The following FER1L5 variants were observed in gnomAD, a reference collection of about 807,000 sequenced individuals.
FER1L5 encodes fer-1 like family member 5.
In FER1L5, 187 loss-of-function variants were observed where a neutral mutation model predicts 279.9. The ratio of observed to expected loss-of-function variants is 0.67; its 90% CI spans 0.59 to 0.75. FER1L5 has a LOEUF of 0.75. Ranked by LOEUF, FER1L5 falls within the 30% of genes least tolerant of loss-of-function variation. The probability of loss-of-function intolerance (pLI) is 0.00; values close to 1 mark genes in which losing one functional copy is unlikely to be tolerated. For synonymous variants in FER1L5, 921 were observed against 989.7 expected (o/e 0.93, Z 1.30); for missense variants, 2,091 against 2,594.4 (o/e 0.81, Z 4.21).
At chr2:96,673,924 A>G (rs908032763) in intron 19 of FER1L5, among the ~76,000 whole-genome samples, 2 of 152,136 alleles carry the variant, frequency 1.3e-5, no homozygotes, top group African/African-American at 4.8e-5. Flanking sequence ...CTGCTGTCTC[A>G]CTTTCATCTT....
At chr2:96,701,900 C>A in intron 45 of FER1L5, 55 bp from the exon 46 acceptor site, 1 of 1,569,108 alleles carries the variant, frequency 6.4e-7, no homozygotes, top group Non-Finnish European at 8.7e-7. Flanking sequence ...CCCAGGCCAG[C>A]CTGCTGAGAA....
intron 18 of FER1L5, 90 bp downstream of exon 18, chr2:96,670,337 AG>A (rs1470715120): frequency 5.7e-5 from 86 of 1,497,386 alleles, no homozygotes; most frequent in Admixed American, 2.1e-5. Flanking sequence ...CCGTGTAGAG[AG>A]GCCCTGGCCA....
chr2:96,680,241 A>T (rs2076669220), intron 19 of FER1L5, among the ~76,000 whole-genome samples: 1 of 151,732 alleles, frequency 6.6e-6, no homozygotes, highest in African/African-American at 2.4e-5. Context: ...GGAGAGGAAA[A>T]TTGCTGTTGT....
chr2:96,663,153 A>G (rs115576680), intron 13 of FER1L5, among the ~76,000 whole-genome samples: 3,161 of 152,328 alleles, frequency 0.021, 48 homozygotes, highest in Non-Finnish European at 0.036. Flanking sequence ...ATACACTCAT[A>G]TAGTAAGGTC....
chr2:96,697,700 T>C lies in FER1L5; in HGVS notation c.4175T>C (p.Phe1392Ser), dbSNP rs2077434532. 1 of 1,613,996 alleles carries C rather than the reference T, an allele frequency of 6.2e-7. No homozygotes were observed. Among genetic ancestry groups the C allele is most frequent in the East Asian group, 2.2e-5 (1 of 44,878 alleles). ...EHEVDWWSKL[F>S]WATDEHKSLK... is the part of the protein sequence containing the mutation. ...GAGGTGGACTGGTGGAGCAAGCTGT[T>C]CTGGGCCACAGATGAGCACAAGTCC... is the stretch of plus-strand genomic sequence containing the variant. The change falls in exon 39 of 53, where the codon TTC (phenylalanine) becomes TCC (serine). Residue 1392 changes from phenylalanine to serine, a missense_variant. By Grantham distance (155) the Phe-to-Ser change is radical (BLOSUM62 -2). Transcript: ENST00000624922.
chr2:96,702,901 G>A lies in FER1L5; in HGVS notation c.5398-77G>A. ...CTTCCTTGATAGTCTATCACTGCTG[G>A]GTGGAGGGCCACTGAGGGGTGCAAG... On this transcript the variant is annotated intron_variant, in intron 48 of 52. Transcript: ENST00000624922. The surrounding 1 kb of genome is among the most constrained non-coding windows in gnomAD (Gnocchi z 4.0). 2 of 1,540,914 alleles carry A rather than the reference G, an allele frequency of 1.3e-6. No individual in the cohort carries two copies. Among genetic ancestry groups the A allele is most frequent in the Admixed American group, 1.9e-5 (1 of 52,070 alleles).
At chr2:96,654,704 C>G (rs918684847) in intron 9 of FER1L5, 2 of 300,860 alleles carry the variant, frequency 6.6e-6, no homozygotes, top group Non-Finnish European at 1.2e-5. Flanking sequence ...TCGAGACCAT[C>G]GTGGCTAACA....
Position 96,689,862 on chromosome 2 carries a change from C to A in FER1L5, c.2640+104C>A. ...AGTGGAAAGGGTCTGAGCCCTATGC[C>A]CTGCACTATGTGTGGGGCCCCGGGT... On this transcript the variant is annotated intron_variant, in intron 26 of 52. Transcript: ENST00000624922. This position sits in a 1 kb window ranked among gnomAD's most constrained non-coding sequence, Gnocchi z 4.6. The A allele has an allele frequency of 9.9e-7, 1 of 1,011,852 alleles. No individual in the cohort carries two copies. Among genetic ancestry groups the A allele is most frequent in the African/African-American group, 1.6e-5 (1 of 61,160 alleles). The allele number at this position is 1,011,852 out of a possible 1,614,324, so 62.7% of individuals were successfully genotyped here. A position where few individuals can be genotyped will look rare whatever the true frequency, so the allele number is the denominator to read the frequency against.
chr2:96,660,384 T>TA lies in FER1L5; in HGVS notation c.778+14dup. 6.4e-7 allele frequency: 1 copy of TA among 1,551,450 alleles called. No individual in the cohort carries two copies. The highest frequency in any genetic ancestry group is 1.2e-5 in the South Asian group (1 of 84,050). On this transcript the variant is annotated intron_variant, in intron 10 of 52. Coordinates refer to ENST00000624922, the MANE Select transcript of FER1L5 (RefSeq NM_001293083.2). The stretch of plus-strand genomic sequence containing the variant: ...TACCATTCTCCAGGTAGGTAATACT[T>TA]ATGGCAAATATGTATGTCTTCTGAG...
intron 9 of FER1L5, among the ~76,000 whole-genome samples, chr2:96,659,397 CTTTCTTTCTTTCTTTCTTTCTTT>C (rs2075805126): frequency 1.4e-4 from 1 of 7,052 alleles, no homozygotes; most frequent in Non-Finnish European, 2.2e-4. Flanking sequence ...TTCTTTCTTT[CTTTCTTTCTTTCTTTCTTTCTTT>C]CTTTCTTTCT....
Position 96,687,926 on chromosome 2 carries a change from C to T in FER1L5, c.2340C>T (p.Asp780=), listed in dbSNP as rs1399763764. 6.4e-7 allele frequency: 1 copy of T among 1,551,060 alleles called. No individual in the cohort carries two copies. The highest frequency in any genetic ancestry group is 1.2e-5 in the South Asian group (1 of 84,058). Residue 780 remains aspartate, a synonymous_variant, in exon 24 of 53, where the codon GAC becomes GAT. Coordinates refer to ENST00000624922, the MANE Select transcript of FER1L5 (RefSeq NM_001293083.2). ...SKDLQLLRQG[D]TAVYAEMYEN... ...ACCTGCAGCTGCTCCGCCAGGGTGA[C>T]ACAGCGGTGTACGCCGAGATGGTGA... is the stretch of plus-strand genomic sequence containing the variant.
chr2:96,677,316 A>C (rs1242170554), intron 19 of FER1L5, among the ~76,000 whole-genome samples: 1 of 152,236 alleles, frequency 6.6e-6, no homozygotes, highest in Non-Finnish European at 1.5e-5. Context: ...GGTCCACACA[A>C]CTATTAATCT....
rs192163083 is a variant in FER1L5 at position 96,696,780 on chromosome 2, C to A, written c.4083+703C>A. On this transcript the variant is annotated intron_variant, in intron 37 of 52. Transcript: ENST00000624922. ...ATTAGCTGAGCATGCTGGTGCATAC[C>A]TGTAATTCTAGCTACTATGGAGGCT... Among the ~76,000 whole-genome samples the A allele has an allele frequency of 6.8e-4, 103 of 152,252 alleles. 2 individuals are homozygous for A. The East Asian group carries it at 0.015, about 22-fold the overall frequency.
chr2:96,700,488 G>A lies in FER1L5; in HGVS notation c.5070+17G>A, dbSNP rs760538545. 4 of 1,611,950 alleles carry A rather than the reference G, an allele frequency of 2.5e-6. No individual in the cohort carries two copies. In the East Asian group the frequency reaches 6.7e-5, roughly 27 times the overall value. On this transcript the variant is annotated intron_variant, in intron 45 of 52. Coordinates refer to ENST00000624922, the MANE Select transcript of FER1L5 (RefSeq NM_001293083.2). The stretch of plus-strand genomic sequence containing the variant: ...ATCGACCAGGTATGAGACTGGAGGG[G>A]CCACTCCTGGCTCCTACAGGAGGAG...
At chr2:96,703,114 G>A in intron 49 of FER1L5, 37 bp downstream of exon 49, 1 of 1,613,466 alleles carries the variant, frequency 6.2e-7, no homozygotes, top group Non-Finnish European at 8.5e-7. Context: ...CCACAGGACA[G>A]GGAGCTCCTT....
intron 19 of FER1L5, among the ~76,000 whole-genome samples, chr2:96,681,666 A>G (rs1355273057): frequency 6.6e-6 from 1 of 152,184 alleles, no homozygotes; most frequent in Admixed American, 6.5e-5. Context: ...GATCCAGATG[A>G]CATAGGGTAT....
chr2:96,697,430 A>C, intron 37 of FER1L5, 96 bp from the exon 38 acceptor site: 1 of 1,368,212 alleles, frequency 7.3e-7, no homozygotes, highest in Non-Finnish European at 1.0e-6. Context: ...GGGCAAGGGC[A>C]CCAGGGAAGC....
At chr2:96,662,322 T>C in intron 13 of FER1L5, 55 bp downstream of exon 13, 3 of 1,523,794 alleles carry the variant, frequency 2.0e-6, no homozygotes, top group Non-Finnish European at 2.7e-6. Flanking sequence ...AGAAAGTAGT[T>C]TGGAGAGGAG....
rs750341048 is a variant in FER1L5, at chr2:96,671,106, C to CAAAAAAAAAAAAAAAAA, written c.1491+865_1491+881dup. 5.4e-3 allele frequency among the ~76,000 whole-genome samples: 219 copies of CAAAAAAAAAAAAAAAAA among 40,202 alleles called. 44 individuals are homozygous for CAAAAAAAAAAAAAAAAA. Among genetic ancestry groups the CAAAAAAAAAAAAAAAAA allele is most frequent in the East Asian group, 0.025 (29 of 1,164 alleles). The allele number at this position is 40,202 out of a possible 152,430, so 26.4% of individuals were successfully genotyped here. A position where few individuals can be genotyped will look rare whatever the true frequency, so the allele number is the denominator to read the frequency against. On this transcript the variant is annotated intron_variant, in intron 18 of 52. Transcript: ENST00000624922. ...TGGGTGACAGAGTGAGACTCCATCT[C>CAAAAAAAAAAAAAAAAA]AAAAAAAAAAAAAAAAAAAAAAGGA...
Sources: gnomAD v4.1 joint callset for allele counts (sites outside exome capture counted in the v4.1 genomes callset) on GRCh38, gnomAD v4.1.1 for gene constraint, Gnocchi (gnomAD v3.1) non-coding constraint, MANE v1.5 for transcripts, NCBI Gene and HGNC (gene_info 2026-07-23, HGNC 2026-07-21) for gene names.